RYR2: variants seen among roughly 807,000 people sequenced by gnomAD.
RYR2 encodes cardiac muscle ryanodine receptor-calcium release channel.
Under a neutral mutation model 601.1 loss-of-function variants are expected in RYR2, and 227 were observed. The ratio of observed to expected loss-of-function variants is 0.38; its 90% CI spans 0.34 to 0.42. The LOEUF (loss-of-function observed/expected upper bound fraction) is 0.42. Among genes scored for constraint, RYR2 ranks in the 10% least tolerant of loss-of-function variants. The pLI, the probability that RYR2 is intolerant of heterozygous loss-of-function variation, is 1.00. For synonymous variants in RYR2, 2,223 were observed against 2,175.1 expected (o/e 1.02, Z -0.61); for missense variants, 4,646 against 6,156.5 (o/e 0.75, Z 8.21).
At chr1:237,195,339 C>T (rs1558404889) in intron 1 of RYR2, among the ~76,000 whole-genome samples, 2 of 152,040 alleles carry the variant, frequency 1.3e-5, no homozygotes, top group Admixed American at 6.6e-5. Context: ...CCACAACATC[C>T]GCCTCCCACG....
chr1:237,107,836 C>T (rs1414753554), intron 1 of RYR2, among the ~76,000 whole-genome samples: 1 of 152,198 alleles, frequency 6.6e-6, no homozygotes, highest in Non-Finnish European at 1.5e-5. Context: ...GCATCCACCT[C>T]CCCTGCACAG....
intron 1 of RYR2, among the ~76,000 whole-genome samples, chr1:237,092,960 G>A (rs1667130417): frequency 6.6e-6 from 1 of 152,170 alleles, no homozygotes; most frequent in Non-Finnish European, 1.5e-5. Flanking sequence ...TGAGGCCGGA[G>A]CAGCAGTGTG....
At chr1:237,768,127 G>A (rs997768626) in intron 84 of RYR2, among the ~76,000 whole-genome samples, 7 of 152,136 alleles carry the variant, frequency 4.6e-5, no homozygotes, top group African/African-American at 1.7e-4. Flanking sequence ...TTCACTCGTA[G>A]CTTGGTTAAA....
chr1:237,244,995 G>A (rs1273641966), intron 1 of RYR2, among the ~76,000 whole-genome samples: 5 of 152,060 alleles, frequency 3.3e-5, no homozygotes, highest in Non-Finnish European at 7.4e-5. Flanking sequence ...TTGGCTTGAG[G>A]CCAAGAGTTC....
At chr1:237,545,439 G>C (rs1258657923) in intron 25 of RYR2, among the ~76,000 whole-genome samples, 1 of 152,172 alleles carries the variant, frequency 6.6e-6, no homozygotes, top group Admixed American at 6.5e-5. Flanking sequence ...CATTAGGGTA[G>C]CAATGGCTCC....
chr1:237,696,949 T>A (rs780919968), intron 63 of RYR2, among the ~76,000 whole-genome samples: 11 of 152,138 alleles, frequency 7.2e-5, no homozygotes, highest in Non-Finnish European at 1.6e-4. Flanking sequence ...AGGGAATTAA[T>A]TCTTTGAAAA....
intron 1 of RYR2, among the ~76,000 whole-genome samples, chr1:237,242,347 G>A (rs1019782340): frequency 6.6e-6 from 1 of 151,530 alleles, no homozygotes; most frequent in African/African-American, 2.4e-5. Flanking sequence ...ACAGATTCAG[G>A]GAAGTAAATG....
intron 2 of RYR2, among the ~76,000 whole-genome samples, chr1:237,310,546 G>A (rs1355557788): frequency 2.0e-5 from 3 of 151,958 alleles, no homozygotes; most frequent in Non-Finnish European, 2.9e-5. Context: ...TGCAACTTGT[G>A]GATTACCATA....
In RYR2 at chr1:237,180,700, GTATA is replaced by G. The variant is rs1242052997; in HGVS notation, c.49-89792_49-89789del. Among the ~76,000 whole-genome samples, 1 of 135,268 alleles carries G rather than the reference GTATA, an allele frequency of 7.4e-6. No homozygotes were observed. Among genetic ancestry groups the G allele is most frequent in the Non-Finnish European group, 1.6e-5 (1 of 62,704 alleles). The allele number at this position is 135,268 out of a possible 152,430, so 88.7% of individuals were successfully genotyped here. On this transcript the variant is annotated intron_variant, in intron 1 of 104. Coordinates refer to ENST00000366574, the MANE Select transcript of RYR2 (RefSeq NM_001035.3). The surrounding 1 kb of genome is among the most constrained non-coding windows in gnomAD (Gnocchi z 5.3). Reference sequence around the variant, plus strand: ...TATATGTGTATATATGTATATATAAGTATATATACACATATATACATATACATAG... The same window carrying G: ...TATATGTGTATATATGTATATATAAGTATACACATATATACATATACATAG...
chr1:237,048,652 C>T lies in RYR2; in HGVS notation c.48+6083C>T, dbSNP rs78877323. Reference sequence around the variant, plus strand: ...AACCAATTCCGATTTTACCTTTCTCCGACCATTTATCACTAATAATTAATA... The same window carrying T: ...AACCAATTCCGATTTTACCTTTCTCTGACCATTTATCACTAATAATTAATA... On this transcript the variant is annotated intron_variant, in intron 1 of 104. Transcript: ENST00000366574. 6.3e-3 allele frequency among the ~76,000 whole-genome samples: 962 copies of T among 152,216 alleles called. 7 individuals are homozygous for T. Among genetic ancestry groups the T allele is most frequent in the African/African-American group, 0.022 (903 of 41,522 alleles).
intron 14 of RYR2, among the ~76,000 whole-genome samples, chr1:237,448,263 T>A (rs1235387960): frequency 6.6e-6 from 1 of 152,154 alleles, no homozygotes; most frequent in Non-Finnish European, 1.5e-5. Context: ...TTTGATGACT[T>A]CTTTGACCAA....
intron 1 of RYR2, among the ~76,000 whole-genome samples, chr1:237,208,957 T>C (rs1171217997): frequency 1.3e-4 from 13 of 99,256 alleles, no homozygotes; most frequent in African/African-American, 4.5e-4. Context: ...TATATATATA[T>C]ATATATATAT....
intron 100 of RYR2, among the ~76,000 whole-genome samples, chr1:237,818,828 G>A (rs1478775060): frequency 6.6e-6 from 1 of 151,850 alleles, no homozygotes; most frequent in African/African-American, 2.4e-5. Context: ...GGAGTATGCA[G>A]TATACACTTT....
At chr1:237,652,105 G>T (rs1160313537) in intron 51 of RYR2, among the ~76,000 whole-genome samples, 2 of 152,150 alleles carry the variant, frequency 1.3e-5, no homozygotes, top group Non-Finnish European at 1.5e-5. Flanking sequence ...ATGGTAATAG[G>T]CCTGGCCTAA....
intron 87 of RYR2, among the ~76,000 whole-genome samples, chr1:237,775,075 CAA>C (rs5781992): frequency 0.24 from 21,585 of 90,200 alleles, 1,443 homozygotes; most frequent in Middle Eastern, 0.28. Context: ...CAATAAGAAC[CAA>C]AAAAAAAAAA....
chr1:237,463,082 CGTTT>C (rs1236553277), intron 16 of RYR2, among the ~76,000 whole-genome samples: 9 of 152,150 alleles, frequency 5.9e-5, no homozygotes, highest in Middle Eastern at 3.4e-3. Flanking sequence ...TTTGTTTGCT[CGTTT>C]GTTTGTTTAA....
chr1:237,051,702 GT>G (rs1661305086), intron 1 of RYR2, among the ~76,000 whole-genome samples: 2 of 152,116 alleles, frequency 1.3e-5, no homozygotes, highest in African/African-American at 4.8e-5. Context: ...CATTGCATGT[GT>G]ATTTTCTCAT....
At chr1:237,570,952 C>A (rs1490193888) in intron 29 of RYR2, among the ~76,000 whole-genome samples, 1 of 152,136 alleles carries the variant, frequency 6.6e-6, no homozygotes, top group African/African-American at 2.4e-5. Context: ...CATAGCAAGA[C>A]TCTGTTTCTA....
chr1:237,070,876 G>C (rs1664227734), intron 1 of RYR2, among the ~76,000 whole-genome samples: 1 of 152,228 alleles, frequency 6.6e-6, no homozygotes, highest in Non-Finnish European at 1.5e-5. Flanking sequence ...AAAGCTCAGA[G>C]ATGCCAGGAA....
Sources: gnomAD v4.1 joint callset for allele counts (sites outside exome capture counted in the v4.1 genomes callset) on GRCh38, gnomAD v4.1.1 for gene constraint, Gnocchi (gnomAD v3.1) non-coding constraint, MANE v1.5 for transcripts, NCBI Gene and HGNC (gene_info 2026-07-23, HGNC 2026-07-21) for gene names.